RIPOR2: variants seen among roughly 807,000 people sequenced by gnomAD.
The protein encoded by RIPOR2 is RHO family interacting cell polarization regulator 2, also known as rho family-interacting cell polarization regulator 2.
RIPOR2 carries 39 observed loss-of-function variants against 114.5 expected under a neutral mutation model. That is an observed-to-expected ratio of 0.34 (90% confidence interval 0.26 to 0.44). RIPOR2 has a LOEUF of 0.44. Among genes scored for constraint, RIPOR2 ranks in the 20% least tolerant of loss-of-function variants. The pLI is 1.00. For missense variants in RIPOR2, 1,007 were observed against 1,255.1 expected (o/e 0.80, Z 2.99); for synonymous variants, 445 against 484.4 (o/e 0.92, Z 1.07).
At chr6:24,899,979 G>A (rs1474289728) in intron 1 of RIPOR2, among the ~76,000 whole-genome samples, 2 of 152,092 alleles carry the variant, frequency 1.3e-5, no homozygotes, top group Non-Finnish European at 2.9e-5. Context: ...CCTTTCAGAT[G>A]GAGGATGTGA....
chr6:25,021,911 C>T (rs1183772600), intron 1 of RIPOR2, among the ~76,000 whole-genome samples: 5 of 152,128 alleles, frequency 3.3e-5, no homozygotes, highest in African/African-American at 1.2e-4. Flanking sequence ...GATTGAAATC[C>T]ACCCTATTAC....
rs557527710 is a variant in RIPOR2, at chr6:24,946,418, C to T, written c.77-70601G>A. On this transcript the variant is annotated intron_variant, in intron 1 of 13. Transcript: ENST00000510784. ...GCCCAAAGTAGATTCTGAAAAATTA[C>T]ATACCTTCACGCATTGGAAACCTTG... Among the ~76,000 whole-genome samples, 16 of 152,068 alleles carry T rather than the reference C, an allele frequency of 1.1e-4. 1 individual carries two copies. In the South Asian group the frequency reaches 3.3e-3, roughly 32 times the overall value.
At chr6:24,850,501 G>T in intron 10 of RIPOR2, 96 bp downstream of exon 10, 1 of 1,352,214 alleles carries the variant, frequency 7.4e-7, no homozygotes, top group South Asian at 1.2e-5. Flanking sequence ...TCTGTGGGAT[G>T]GAGGGGCAAC....
intron 1 of RIPOR2, among the ~76,000 whole-genome samples, chr6:25,034,750 C>G (rs1439308841): frequency 3.9e-5 from 6 of 152,278 alleles, no homozygotes; most frequent in African/African-American, 1.4e-4. Flanking sequence ...CTTTCCTTTT[C>G]CCTCCACACC....
At chr6:24,927,206 C>T (rs1383758238) in intron 1 of RIPOR2, among the ~76,000 whole-genome samples, 1 of 148,126 alleles carries the variant, frequency 6.8e-6, no homozygotes, top group Admixed American at 6.7e-5. Context: ...ACTACAAGCA[C>T]CACCACCACC....
chr6:24,856,006 G>C (rs2113805971), intron 8 of RIPOR2, among the ~76,000 whole-genome samples: 1 of 152,306 alleles, frequency 6.6e-6, no homozygotes, highest in South Asian at 2.1e-4. Context: ...CTGTGTGACA[G>C]AGCGAGACCC....
chr6:24,828,332 A>G lies in RIPOR2; in HGVS notation c.2507-37T>C, dbSNP rs45437991. 0.32 allele frequency: 444,605 copies of G among 1,372,144 alleles called. 75,959 individuals are homozygous for G. The highest frequency in any genetic ancestry group is 0.36 in the Non-Finnish European group (369,689 of 1,035,780). 85.0% of individuals were successfully genotyped at this position (1,372,144 alleles called of 1,614,324 possible). Reference sequence around the variant, plus strand: ...GGAAAGACACAAAGCAGCTTTAGATAGATGACCATTCATTCATTCATTCAT... The same window carrying G: ...GGAAAGACACAAAGCAGCTTTAGATGGATGACCATTCATTCATTCATTCAT... On this transcript the variant is annotated intron_variant, in intron 17 of 21. Transcript: ENST00000643898.
At chr6:24,971,759 G>A (rs906766576) in intron 1 of RIPOR2, among the ~76,000 whole-genome samples, 10 of 152,204 alleles carry the variant, frequency 6.6e-5, no homozygotes, top group African/African-American at 2.4e-4. Context: ...GTGACTTGTT[G>A]AGCCTTGAGC....
intron 1 of RIPOR2, among the ~76,000 whole-genome samples, chr6:24,948,656 C>T (rs1047757362): frequency 5.3e-5 from 8 of 152,034 alleles, no homozygotes; most frequent in Non-Finnish European, 8.8e-5. Flanking sequence ...CTCAGCCTTC[C>T]GAGTAGCTGG....
intron 1 of RIPOR2, among the ~76,000 whole-genome samples, chr6:24,890,066 T>C (rs1424582678): frequency 6.6e-6 from 1 of 152,106 alleles, no homozygotes; most frequent in East Asian, 1.9e-4. Flanking sequence ...GCTAATTTTT[T>C]GTATTTTTAG....
At chr6:24,983,680 C>G (rs530127270) in intron 1 of RIPOR2, among the ~76,000 whole-genome samples, 1 of 142,732 alleles carries the variant, frequency 7.0e-6, no homozygotes, top group African/African-American at 2.6e-5. Context: ...TTGCTTGAAC[C>G]CGGGAGGCAG....
chr6:24,828,413 A>G, intron 17 of RIPOR2, 118 bp from the exon 18 acceptor site: 1 of 966,066 alleles, frequency 1.0e-6, no homozygotes, highest in Non-Finnish European at 1.4e-6. Context: ...TTTGTTGCCC[A>G]GGTTGGTCTC....
intron 5 of RIPOR2, among the ~76,000 whole-genome samples, 160 bp from the exon 6 acceptor site, chr6:24,869,307 C>T (rs1332687729): frequency 7.2e-6 from 1 of 138,244 alleles, no homozygotes; most frequent in Non-Finnish European, 1.5e-5. Context: ...TTCTCTAATA[C>T]CAATTTGGAT....
rs979875242 is a variant in RIPOR2, at chr6:25,038,606, A to G, written c.76+3245T>C. The stretch of plus-strand genomic sequence containing the variant: ...GTGGCCTTTAGTTGCTGAAGGCCTC[A>G]GGCCTACAACTGCAAGGAACTAAAT... On this transcript the variant is annotated intron_variant, in intron 1 of 13. Transcript: ENST00000510784. 6.6e-4 allele frequency among the ~76,000 whole-genome samples: 100 copies of G among 152,224 alleles called. 1 individual carries two copies. Among genetic ancestry groups the G allele is most frequent in the Admixed American group, 5.9e-4 (9 of 15,286 alleles).
At chr6:25,036,560 TA>T (rs148787234) in intron 1 of RIPOR2, among the ~76,000 whole-genome samples, 8,442 of 151,202 alleles carry the variant, frequency 0.056, 266 homozygotes, top group Non-Finnish European at 0.068. Context: ...CCCACTAACT[TA>T]AAAAAAAATG....
intron 8 of RIPOR2, among the ~76,000 whole-genome samples, chr6:24,855,383 G>A (rs1004594040): frequency 6.7e-6 from 1 of 149,006 alleles, no homozygotes; most frequent in Non-Finnish European, 1.5e-5. Flanking sequence ...TTTTTTTTTT[G>A]TTATATTTCT....
intron 1 of RIPOR2, among the ~76,000 whole-genome samples, chr6:25,003,110 G>A (rs779124247): frequency 6.6e-6 from 1 of 152,108 alleles, no homozygotes; most frequent in South Asian, 2.1e-4. Flanking sequence ...TTTTTATCAA[G>A]CGGATTAGAT....
In RIPOR2 at chr6:25,009,372, T is replaced by C. The variant is rs115747811; in HGVS notation, c.76+32479A>G. ...CAATCCTAAATACTCCAGCCTGAGT[T>C]GTTAATTTGGTCGATTAAACAAGAG... On this transcript the variant is annotated intron_variant, in intron 1 of 13. Transcript: ENST00000510784. Among the ~76,000 whole-genome samples, 1,307 of 152,360 alleles carry C rather than the reference T, an allele frequency of 8.6e-3. 18 individuals carry two copies. Among genetic ancestry groups the C allele is most frequent in the African/African-American group, 0.028 (1,164 of 41,582 alleles).
intron 1 of RIPOR2, chr6:24,911,082 G>C: frequency 1.6e-6 from 1 of 639,536 alleles, no homozygotes; most frequent in Non-Finnish European, 1.9e-6. Context: ...GAGGGTGGCG[G>C]AGCGCGGAGC....
Sources: gnomAD v4.1 joint callset for allele counts (sites outside exome capture counted in the v4.1 genomes callset) on GRCh38, gnomAD v4.1.1 for gene constraint, MANE v1.5 for transcripts, NCBI Gene and HGNC (gene_info 2026-07-23, HGNC 2026-07-21) for gene names.